Variants in CADPS observed in about 807,000 individuals in gnomAD.
The protein encoded by CADPS is calcium dependent secretion activator.
Under a neutral mutation model 167.3 loss-of-function variants are expected in CADPS, and 57 were observed. That is an observed-to-expected ratio of 0.34 (90% CI 0.28 to 0.42). The LOEUF is 0.42. Ranked by LOEUF, CADPS falls within the 20% of genes least tolerant of loss-of-function variation. The probability of loss-of-function intolerance (pLI) is 1.00; values close to 1 mark genes in which losing one functional copy is unlikely to be tolerated. For synonymous variants in CADPS, 676 were observed against 635.3 expected (o/e 1.06, Z -0.96); for missense variants, 1,414 against 1,738.1 (o/e 0.81, Z 3.32).
At chr3:62,539,894 C>A (rs1027904694) in intron 11 of CADPS, among the ~76,000 whole-genome samples, 3 of 152,118 alleles carry the variant, frequency 2.0e-5, no homozygotes, top group Non-Finnish European at 2.9e-5. Flanking sequence ...GCTCTGCCAC[C>A]ACTAGGTATA....
intron 3 of CADPS, among the ~76,000 whole-genome samples, chr3:62,703,040 G>T (rs543358614): frequency 1.3e-5 from 2 of 152,044 alleles, no homozygotes; most frequent in Non-Finnish European, 2.9e-5. Context: ...CCATGTTCTC[G>T]ACTGTTTCAT....
chr3:62,492,759 C>G (rs753591267), intron 19 of CADPS, among the ~76,000 whole-genome samples: 1 of 152,122 alleles, frequency 6.6e-6, no homozygotes, highest in Non-Finnish European at 1.5e-5. Flanking sequence ...GAGTCATGCT[C>G]TTTGTCATTG....
intron 1 of CADPS, among the ~76,000 whole-genome samples, chr3:62,836,715 G>A (rs1182765240): frequency 6.6e-6 from 1 of 152,160 alleles, no homozygotes; most frequent in Non-Finnish European, 1.5e-5. Context: ...ATGCCTGGGA[G>A]GTGAAGCTTC....
chr3:62,586,013 T>C (rs2148628911), intron 7 of CADPS, among the ~76,000 whole-genome samples: 1 of 152,318 alleles, frequency 6.6e-6, no homozygotes, highest in East Asian at 1.9e-4. Flanking sequence ...CTGCATCCAT[T>C]CTTATTGTCT....
intron 6 of CADPS, among the ~76,000 whole-genome samples, chr3:62,618,858 G>A (rs1366761059): frequency 6.6e-6 from 1 of 152,148 alleles, no homozygotes; most frequent in Admixed American, 6.5e-5. Flanking sequence ...AGAAGGCCTA[G>A]GCATTATGCT....
intron 6 of CADPS, among the ~76,000 whole-genome samples, chr3:62,619,363 A>G (rs1203936586): frequency 6.6e-6 from 1 of 152,032 alleles, no homozygotes; most frequent in Non-Finnish European, 1.5e-5. Flanking sequence ...CAACAAGCAC[A>G]CCTATTTGAA....
chr3:62,526,946 C>T (rs1335937454), intron 13 of CADPS, among the ~76,000 whole-genome samples: 1 of 152,088 alleles, frequency 6.6e-6, no homozygotes, highest in Non-Finnish European at 1.5e-5. Flanking sequence ...AGTTTGACAA[C>T]CAAAATCCTA....
intron 2 of CADPS, among the ~76,000 whole-genome samples, chr3:62,755,498 T>A (rs944444444): frequency 1.3e-5 from 2 of 152,182 alleles, no homozygotes; most frequent in African/African-American, 4.8e-5. Context: ...AAATGTTCAT[T>A]CCCCTGTCAG....
chr3:62,687,073 G>T (rs1269099413), intron 3 of CADPS, among the ~76,000 whole-genome samples: 7 of 152,248 alleles, frequency 4.6e-5, no homozygotes, highest in Admixed American at 3.9e-4. Context: ...ACAAGCATGG[G>T]TTTCTTCCTT....
chr3:62,556,162 G>A (rs532659397), intron 10 of CADPS, among the ~76,000 whole-genome samples: 3 of 152,150 alleles, frequency 2.0e-5, no homozygotes, highest in Non-Finnish European at 2.9e-5. Flanking sequence ...CCTAAGGCAG[G>A]AGCCCCATCC....
At chr3:62,699,314 G>A (rs190972769) in intron 3 of CADPS, among the ~76,000 whole-genome samples, 3 of 151,700 alleles carry the variant, frequency 2.0e-5, no homozygotes, top group African/African-American at 2.4e-5. Context: ...TGGGATTACC[G>A]GCGTGAGCCA....
intron 29 of CADPS, among the ~76,000 whole-genome samples, chr3:62,400,311 A>T (rs1264199420): frequency 6.6e-6 from 1 of 152,204 alleles, no homozygotes; most frequent in Non-Finnish European, 1.5e-5. Flanking sequence ...TTGTTCCTTC[A>T]GGCAGTTTCT....
chr3:62,507,556 T>A (rs2066919988), intron 17 of CADPS, among the ~76,000 whole-genome samples: 1 of 152,126 alleles, frequency 6.6e-6, no homozygotes, highest in Non-Finnish European at 1.5e-5. Flanking sequence ...TATTTGAAAT[T>A]TATAATAAAA....
chr3:62,693,228 C>T (rs2079551031), intron 3 of CADPS, among the ~76,000 whole-genome samples: 1 of 152,034 alleles, frequency 6.6e-6, no homozygotes. Flanking sequence ...CACCTCATTG[C>T]TCTTTGTAAC....
At chr3:62,431,873 T>TAA (rs2054042298) in intron 28 of CADPS, among the ~76,000 whole-genome samples, 1 of 150,694 alleles carries the variant, frequency 6.6e-6, no homozygotes, top group African/African-American at 2.4e-5. Flanking sequence ...TATATATATA[T>TAA]AATTATATAG....
At chr3:62,408,184 T>A (rs546578789) in intron 28 of CADPS, among the ~76,000 whole-genome samples, 2 of 152,264 alleles carry the variant, frequency 1.3e-5, no homozygotes, top group South Asian at 2.1e-4. Context: ...TCCTTAAACA[T>A]AAAATATTTA....
chr3:62,711,248 C>T (rs1043264021), intron 3 of CADPS, among the ~76,000 whole-genome samples: 3 of 152,116 alleles, frequency 2.0e-5, no homozygotes, highest in African/African-American at 7.2e-5. Flanking sequence ...ATTACAAGAT[C>T]TAGCAACAAA....
intron 2 of CADPS, among the ~76,000 whole-genome samples, chr3:62,754,525 C>G (rs1438783681): frequency 6.6e-6 from 1 of 152,066 alleles, no homozygotes; most frequent in Non-Finnish European, 1.5e-5. Context: ...GGACTTTGCT[C>G]TGTTATGTAA....
chr3:62,698,791 G>C (rs1159326271), intron 3 of CADPS, among the ~76,000 whole-genome samples: 1 of 128,608 alleles, frequency 7.8e-6, no homozygotes, highest in Non-Finnish European at 1.6e-5. Context: ...CCAGGCTGGA[G>C]TGCAGTAGTA....
Sources: gnomAD v4.1 joint callset for allele counts (sites outside exome capture counted in the v4.1 genomes callset) on GRCh38, gnomAD v4.1.1 for gene constraint, MANE v1.5 for transcripts, NCBI Gene and HGNC (gene_info 2026-07-23, HGNC 2026-07-21) for gene names.